The following DNM3 variants were observed in gnomAD, a reference collection of about 807,000 sequenced individuals.
The protein encoded by DNM3 is dynamin-3.
DNM3 carries 47 observed loss-of-function variants against 101.6 expected under a neutral mutation model. That is an observed-to-expected ratio of 0.46 (90% CI 0.37 to 0.59). The LOEUF (loss-of-function observed/expected upper bound fraction) is 0.59. DNM3 is among the 20% of genes least tolerant of loss of function. The pLI is 0.00. For missense variants in DNM3, 849 were observed against 1,085.7 expected, an observed-to-expected ratio of 0.78 and a Z score of 3.06; for synonymous variants, 385 against 387.9, an observed-to-expected ratio of 0.99 and a Z score of 0.09.
At chr1:172,317,020 G>C (rs1435638484) in intron 16 of DNM3, among the ~76,000 whole-genome samples, 2 of 152,048 alleles carry the variant, frequency 1.3e-5, no homozygotes, top group Non-Finnish European at 2.9e-5. Context: ...TAAAAGAACA[G>C]AAGTTATAAC....
In DNM3 at chr1:172,379,138, C is replaced by T. The variant is rs1424085908; in HGVS notation, c.2014C>T (p.Arg672Ter). ...SYMSIINKCI[R>*]DLIPKTIMHL... Reference sequence around the variant, plus strand: ...CATGTCCATTATCAACAAATGTATCCGAGATCTAATTCCAAAAACAATAAT... The same window carrying T: ...CATGTCCATTATCAACAAATGTATCTGAGATCTAATTCCAAAAACAATAAT... Residue 672 changes from arginine to a stop codon, truncating the protein, a stop_gained, in exon 18 of 21, where the codon CGA becomes TGA. Coordinates refer to ENST00000627582, the MANE Select transcript of DNM3 (RefSeq NM_015569.5). LOFTEE classifies it high-confidence loss of function. The T allele has an allele frequency of 1.2e-6, 2 of 1,610,854 alleles. No homozygotes were observed. Among genetic ancestry groups the T allele is most frequent in the Non-Finnish European group, 1.7e-6 (2 of 1,178,204 alleles).
In DNM3 at chr1:172,056,747, A is replaced by G. The variant is rs542625186; in HGVS notation, c.1335+7997A>G. The stretch of plus-strand genomic sequence containing the variant: ...ATAAAACCACAAAGATGGGGAAAAA[A>G]CAGAACAGAAAAACTGGAAACTCTA... On this transcript the variant is annotated intron_variant, in intron 10 of 20. Coordinates refer to ENST00000627582, the MANE Select transcript of DNM3 (RefSeq NM_015569.5). 2.0e-5 allele frequency among the ~76,000 whole-genome samples: 3 copies of G among 152,294 alleles called. No homozygotes were observed. In the East Asian group the frequency reaches 5.8e-4, roughly 29 times the overall value.
chr1:171,988,820 A>G (rs763048259), intron 3 of DNM3, 125 bp from the exon 4 acceptor site: 22 of 752,516 alleles, frequency 2.9e-5, no homozygotes, highest in Middle Eastern at 3.8e-4. Context: ...TCTTTATTCT[A>G]CACACATGGG....
chr1:172,166,274 A>AT (rs1412645921), intron 14 of DNM3, among the ~76,000 whole-genome samples: 1 of 152,108 alleles, frequency 6.6e-6, no homozygotes, highest in Non-Finnish European at 1.5e-5. Flanking sequence ...ATTATAGCTG[A>AT]TACCCTCAAT....
At chr1:171,905,482 A>G (rs2038743745) in intron 1 of DNM3, among the ~76,000 whole-genome samples, 1 of 152,210 alleles carries the variant, frequency 6.6e-6, no homozygotes, top group South Asian at 2.1e-4. Flanking sequence ...AGGGTGGGAG[A>G]GTCCAAGTAG....
At chr1:172,024,208 G>T (rs1480760425) in intron 4 of DNM3, among the ~76,000 whole-genome samples, 2 of 149,754 alleles carry the variant, frequency 1.3e-5, no homozygotes, top group African/African-American at 4.9e-5. Flanking sequence ...AGTTTCTATT[G>T]TGACCAACAA....
chr1:172,130,892 T>G (rs2148075370), intron 13 of DNM3, among the ~76,000 whole-genome samples: 1 of 152,284 alleles, frequency 6.6e-6, no homozygotes, highest in Non-Finnish European at 1.5e-5. Flanking sequence ...CCTGACACAG[T>G]CTATTAGTTT....
At chr1:172,304,563 A>G (rs969486913) in intron 15 of DNM3, among the ~76,000 whole-genome samples, 2 of 152,200 alleles carry the variant, frequency 1.3e-5, no homozygotes, top group African/African-American at 2.4e-5. Context: ...TCTCTATCCC[A>G]AATCAAGAGA....
chr1:172,092,274 G>A (rs1050242760), intron 12 of DNM3, among the ~76,000 whole-genome samples: 1 of 152,102 alleles, frequency 6.6e-6, no homozygotes, highest in African/African-American at 2.4e-5. Context: ...GAATATATTG[G>A]AATTCAAAGC....
Position 172,083,175 on chromosome 1 carries a change from T to C in DNM3, c.1493+1273T>C, listed in dbSNP as rs533164295. The stretch of plus-strand genomic sequence containing the variant: ...CTGCAGACTCACCTAAACTGTAACA[T>C]ACATCCTTATCCCTAGGTCCAGAAA... On this transcript the variant is annotated intron_variant, in intron 12 of 20. Transcript: ENST00000627582. Among the ~76,000 whole-genome samples, 5 of 152,272 alleles carry C rather than the reference T, an allele frequency of 3.3e-5. No homozygotes were observed. In the South Asian group the frequency reaches 1.0e-3, roughly 32 times the overall value.
At chr1:172,298,512 G>A (rs913224742) in intron 15 of DNM3, among the ~76,000 whole-genome samples, 6 of 152,112 alleles carry the variant, frequency 3.9e-5, no homozygotes, top group Non-Finnish European at 7.3e-5. Flanking sequence ...AAGACAGCTC[G>A]ACCAAGAATC....
intron 17 of DNM3, among the ~76,000 whole-genome samples, chr1:172,368,728 AC>A (rs1168144154): frequency 6.6e-6 from 1 of 151,936 alleles, no homozygotes; most frequent in Non-Finnish European, 1.5e-5. Context: ...CTAAACTAAG[AC>A]AAAAAGACCC....
chr1:172,332,417 C>A (rs1221114198), intron 17 of DNM3, among the ~76,000 whole-genome samples: 1 of 152,132 alleles, frequency 6.6e-6, no homozygotes, highest in East Asian at 1.9e-4. Flanking sequence ...TAAAGCAATT[C>A]TCCTGCCCCA....
At chr1:171,915,834 C>A (rs570017519) in intron 1 of DNM3, among the ~76,000 whole-genome samples, 6 of 152,168 alleles carry the variant, frequency 3.9e-5, no homozygotes, top group Non-Finnish European at 7.4e-5. Context: ...TTGGCTACCT[C>A]TCTGGTAGCT....
chr1:172,333,783 A>G (rs2066297232), intron 17 of DNM3, among the ~76,000 whole-genome samples: 1 of 152,198 alleles, frequency 6.6e-6, no homozygotes, highest in Non-Finnish European at 1.5e-5. Context: ...AAAGGCTAAT[A>G]TTATTTAGGG....
intron 13 of DNM3, among the ~76,000 whole-genome samples, chr1:172,107,298 CAA>C (rs965912961): frequency 6.6e-5 from 10 of 151,980 alleles, no homozygotes; most frequent in Admixed American, 4.6e-4. Context: ...CTAAATAAAA[CAA>C]GAGGCTGGTT....
chr1:171,919,940 A>AT (rs200029618), intron 1 of DNM3, among the ~76,000 whole-genome samples: 2,839 of 152,028 alleles, frequency 0.019, 87 homozygotes, highest in African/African-American at 0.065. Context: ...TTCTCAGTGA[A>AT]TTTTTTTTGA....
chr1:172,264,719 C>G (rs747502516), intron 15 of DNM3, among the ~76,000 whole-genome samples: 6 of 152,098 alleles, frequency 3.9e-5, no homozygotes, highest in Non-Finnish European at 8.8e-5. Flanking sequence ...CATGGCTTTC[C>G]GGGGGTTTCC....
At chr1:172,113,620 C>CAAA (rs34129992) in intron 13 of DNM3, among the ~76,000 whole-genome samples, 932 of 49,508 alleles carry the variant, frequency 0.019, 12 homozygotes, top group Non-Finnish European at 0.023. Context: ...AACTCTGTCT[C>CAAA]AAAAAAAAAA....
Sources: allele counts gnomAD v4.1 joint callset (sites outside exome capture counted in the v4.1 genomes callset), GRCh38; gene constraint gnomAD v4.1.1; transcripts MANE v1.5; gene names NCBI Gene and HGNC (gene_info 2026-07-23, HGNC 2026-07-21).